HEMK2: variants seen among roughly 807,000 people sequenced by gnomAD.
HEMK2 encodes the protein methyltransferase HEMK2.
chr21:28,838,972 A>AAAATATATATATAT, the HEMK2 span, among the ~76,000 whole-genome samples: 8 of 29,152 alleles, frequency 2.7e-4, no homozygotes, highest in Non-Finnish European at 3.9e-4. Flanking sequence ...AAAAAAAAAA[A>AAAATATATATATAT]ATATATATAT....
At chr21:28,828,035 T>C in the HEMK2 span, among the ~76,000 whole-genome samples, 3 of 152,334 alleles carry the variant, frequency 2.0e-5, no homozygotes, top group East Asian at 5.8e-4. Context: ...ACTTACCCCT[T>C]GTAGCTTAGG....
chr21:28,618,905 T>C, the HEMK2 span, among the ~76,000 whole-genome samples: 1 of 152,136 alleles, frequency 6.6e-6, no homozygotes, highest in African/African-American at 2.4e-5. Context: ...CTGAATTGTG[T>C]CTACTAAAAA....
chr21:28,748,709 T>C, the HEMK2 span, among the ~76,000 whole-genome samples: 3 of 152,238 alleles, frequency 2.0e-5, no homozygotes, highest in East Asian at 1.9e-4. Context: ...TTATCAATTA[T>C]ATGGAGCTAA....
the HEMK2 span, among the ~76,000 whole-genome samples, chr21:28,641,467 A>G: frequency 6.6e-6 from 1 of 152,166 alleles, no homozygotes; most frequent in Non-Finnish European, 1.5e-5. Flanking sequence ...ACCACCTGGA[A>G]GTCTTCTTAT....
At chr21:28,883,109 CA>C in the HEMK2 span, 24 of 1,403,216 alleles carry the variant, frequency 1.7e-5, no homozygotes, top group Non-Finnish European at 2.3e-5. Context: ...ATAGTAGAAT[CA>C]AAATACTCTT....
At chr21:28,738,279 T>G in the HEMK2 span, among the ~76,000 whole-genome samples, 1 of 152,222 alleles carries the variant, frequency 6.6e-6, no homozygotes, top group Non-Finnish European at 1.5e-5. Flanking sequence ...TGTAAAAATC[T>G]GACTTTTTTC....
the HEMK2 span, among the ~76,000 whole-genome samples, chr21:28,814,281 G>T: frequency 6.6e-6 from 1 of 150,974 alleles, no homozygotes; most frequent in Non-Finnish European, 1.5e-5. Context: ...AAAAACCCTA[G>T]AAGAAAACCT....
At chr21:28,816,013 G>A in the HEMK2 span, among the ~76,000 whole-genome samples, 207 of 152,278 alleles carry the variant, frequency 1.4e-3, no homozygotes, top group Admixed American at 3.5e-3. Context: ...ATGAAGATTA[G>A]GGCACACAAA....
the HEMK2 span, among the ~76,000 whole-genome samples, chr21:28,833,161 C>T: frequency 6.6e-6 from 1 of 152,174 alleles, no homozygotes; most frequent in African/African-American, 2.4e-5. Context: ...CTTAGGTCCA[C>T]GCTTTTACTA....
the HEMK2 span, among the ~76,000 whole-genome samples, chr21:28,618,935 C>G: frequency 1.3e-5 from 2 of 152,058 alleles, no homozygotes; most frequent in African/African-American, 4.8e-5. Context: ...AAAGTCCAAC[C>G]CCTGGTACCT....
chr21:28,802,663 G>T, the HEMK2 span, among the ~76,000 whole-genome samples: 1 of 152,102 alleles, frequency 6.6e-6, no homozygotes, highest in South Asian at 2.1e-4. Context: ...CCCAGGAAGG[G>T]GAAGTTGCAG....
chr21:28,783,016 C>T, the HEMK2 span, among the ~76,000 whole-genome samples: 1 of 152,224 alleles, frequency 6.6e-6, no homozygotes, highest in African/African-American at 2.4e-5. Flanking sequence ...ATCCCTGATA[C>T]AGGTTGAGTA....
chr21:28,599,951 A>G, the HEMK2 span, among the ~76,000 whole-genome samples: 2,712 of 152,296 alleles, frequency 0.018, 106 homozygotes, highest in African/African-American at 0.063. Flanking sequence ...TCATGCTGAT[A>G]CAAGAGGTGG....
At chr21:28,789,858 T>A in the HEMK2 span, among the ~76,000 whole-genome samples, 1 of 152,198 alleles carries the variant, frequency 6.6e-6, no homozygotes, top group Non-Finnish European at 1.5e-5. Flanking sequence ...GTGTTTAGAC[T>A]AAGACCAGAC....
the HEMK2 span, among the ~76,000 whole-genome samples, chr21:28,779,249 TG>T: frequency 6.6e-6 from 1 of 152,148 alleles, no homozygotes; most frequent in African/African-American, 2.4e-5. Flanking sequence ...ATAAAGAAAA[TG>T]TGGTATATAT....
At chr21:28,713,572 C>T in the HEMK2 span, among the ~76,000 whole-genome samples, 1 of 152,170 alleles carries the variant, frequency 6.6e-6, no homozygotes, top group African/African-American at 2.4e-5. Context: ...CCCCAGGCCC[C>T]TCCTTCTTTA....
chr21:28,576,954 A>G, the HEMK2 span, among the ~76,000 whole-genome samples: 100,238 of 151,932 alleles, frequency 0.66, 34,247 homozygotes, highest in Non-Finnish European at 0.75. Flanking sequence ...CAAGTGATCC[A>G]CCCGCCTCAG....
chr21:28,586,697 G>A, the HEMK2 span, among the ~76,000 whole-genome samples: 1 of 152,146 alleles, frequency 6.6e-6, no homozygotes, highest in South Asian at 2.1e-4. Flanking sequence ...ACACTGAGTA[G>A]AGTATAAATA....
chr21:28,720,696 GCA>G, the HEMK2 span, among the ~76,000 whole-genome samples: 1 of 152,100 alleles, frequency 6.6e-6, no homozygotes, highest in Non-Finnish European at 1.5e-5. Flanking sequence ...TTGCGCCACT[GCA>G]CTCCAGCCTG....
Sources: gnomAD v4.1 joint callset for allele counts (sites outside exome capture counted in the v4.1 genomes callset) on GRCh38, gnomAD v4.1.1 for gene constraint, MANE v1.5 for transcripts, NCBI Gene and HGNC (gene_info 2026-07-23, HGNC 2026-07-21) for gene names.